The following COL4A1 variants were observed in gnomAD, a reference collection of about 807,000 sequenced individuals.
The protein encoded by COL4A1 is collagen alpha-1(IV) chain.
A neutral mutation model predicts 216.6 loss-of-function variants in COL4A1; 40 were observed. The ratio of observed to expected loss-of-function variants is 0.18; its 90% CI spans 0.14 to 0.24. COL4A1 has a LOEUF of 0.24. Among genes scored for constraint, COL4A1 ranks in the 10% least tolerant of loss-of-function variants. The pLI is 1.00. For synonymous variants in COL4A1, 839 were observed against 810.7 expected, an observed-to-expected ratio of 1.03 and a Z score of -0.59; for missense variants, 1,628 against 2,196.8, an observed-to-expected ratio of 0.74 and a Z score of 5.18.
At chr13:110,279,048 G>C (rs1306759280) in intron 1 of COL4A1, among the ~76,000 whole-genome samples, 1 of 152,082 alleles carries the variant, frequency 6.6e-6, no homozygotes, top group Non-Finnish European at 1.5e-5. Context: ...CTTTGCCCGG[G>C]GTCTTCCAAT....
chr13:110,262,085 G>A (rs953178141), intron 1 of COL4A1, among the ~76,000 whole-genome samples: 1 of 152,178 alleles, frequency 6.6e-6, no homozygotes, highest in African/African-American at 2.4e-5. Flanking sequence ...TTTCTTCAAC[G>A]CCACATTAGG....
chr13:110,260,865 G>A (rs1242045125), intron 1 of COL4A1, among the ~76,000 whole-genome samples: 1 of 151,668 alleles, frequency 6.6e-6, no homozygotes, highest in Non-Finnish European at 1.5e-5. Context: ...GTGAAACCTC[G>A]TCTCTACTAA....
intron 2 of COL4A1, among the ~76,000 whole-genome samples, chr13:110,219,678 G>GTGTATATATA (rs373618952): frequency 0.3 from 36,978 of 122,744 alleles, 5,499 homozygotes; most frequent in Non-Finnish European, 0.34. Context: ...ATATATATAT[G>GTGTATATATA]TGTATATATA....
intron 50 of COL4A1, among the ~76,000 whole-genome samples, chr13:110,153,768 T>C (rs1413247979): frequency 6.6e-6 from 1 of 152,150 alleles, no homozygotes; most frequent in East Asian, 1.9e-4. Context: ...ACAATCAAAC[T>C]TGTACACGTG....
intron 36 of COL4A1, 78 bp downstream of exon 36, chr13:110,176,346 A>G (rs148264690): frequency 4.8e-4 from 460 of 960,584 alleles, no homozygotes; most frequent in Non-Finnish European, 6.7e-4. Context: ...TCAGCTGAAG[A>G]GGATCTCATT....
At position 110,150,313 on chromosome 13, in the gene COL4A1, A is replaced by AAAG; in HGVS notation, c.*47_*49dup. 6.4e-7 allele frequency: 1 copy of AAAG among 1,554,378 alleles called. No individual in the cohort carries two copies. The highest frequency in any genetic ancestry group is 8.8e-7 in the Non-Finnish European group (1 of 1,133,166). The stretch of plus-strand genomic sequence containing the variant: ...TTCTAGGGTTCGTTGCTGTTAACAA[A>AAAG]AAGAAGAAGAAGTAGCACCATGTTG... On this transcript the variant is annotated 3_prime_UTR_variant, in exon 52 of 52. Coordinates refer to ENST00000375820, the MANE Select transcript of COL4A1 (RefSeq NM_001845.6).
At chr13:110,231,593 G>A (rs1881065780) in intron 2 of COL4A1, among the ~76,000 whole-genome samples, 1 of 152,102 alleles carries the variant, frequency 6.6e-6, no homozygotes, top group Admixed American at 6.6e-5. Flanking sequence ...TGCTATTACT[G>A]GCTAGCATCT....
At chr13:110,245,903 C>T (rs1418388949) in intron 1 of COL4A1, among the ~76,000 whole-genome samples, 1 of 152,132 alleles carries the variant, frequency 6.6e-6, no homozygotes, top group Non-Finnish European at 1.5e-5. Context: ...ACAGGACTGA[C>T]CCCCGACCCC....
chr13:110,155,924 T>C (rs920437505), intron 49 of COL4A1, among the ~76,000 whole-genome samples: 2 of 151,764 alleles, frequency 1.3e-5, no homozygotes, highest in African/African-American at 4.8e-5. Flanking sequence ...AAAAAAAAAT[T>C]AGAGCAGGAC....
intron 2 of COL4A1, among the ~76,000 whole-genome samples, chr13:110,238,688 T>C (rs1020283815): frequency 2.0e-5 from 3 of 152,178 alleles, no homozygotes; most frequent in African/African-American, 7.2e-5. Flanking sequence ...TAAATTCCCT[T>C]TTTTGGACAC....
chr13:110,269,670 C>T (rs542405850), intron 1 of COL4A1, among the ~76,000 whole-genome samples: 14 of 152,032 alleles, frequency 9.2e-5, no homozygotes, highest in Non-Finnish European at 1.6e-4. Context: ...TGATGGAAGA[C>T]GCAACACAAA....
At chr13:110,266,931 G>T (rs542067803) in intron 1 of COL4A1, among the ~76,000 whole-genome samples, 1 of 151,900 alleles carries the variant, frequency 6.6e-6, no homozygotes, top group African/African-American at 2.4e-5. Context: ...ATTTTTAATC[G>T]AAAAAATGTT....
At chr13:110,289,219 G>T (rs1405040855) in intron 1 of COL4A1, among the ~76,000 whole-genome samples, 1 of 152,126 alleles carries the variant, frequency 6.6e-6, no homozygotes, top group East Asian at 1.9e-4. Context: ...CAAAGAACAG[G>T]GTCTGAATGG....
chr13:110,233,043 C>T (rs1462963982), intron 2 of COL4A1, among the ~76,000 whole-genome samples: 2 of 152,160 alleles, frequency 1.3e-5, no homozygotes, highest in Admixed American at 1.3e-4. Context: ...GGGGAGCCAG[C>T]GACGGGTGGG....
chr13:110,172,003 G>C (rs1432651651), intron 41 of COL4A1, among the ~76,000 whole-genome samples: 1 of 152,230 alleles, frequency 6.6e-6, no homozygotes, highest in East Asian at 1.9e-4. Flanking sequence ...GAGAACCAGG[G>C]GGTGGGAGAA....
chr13:110,279,980 C>T (rs1883566170), intron 1 of COL4A1, among the ~76,000 whole-genome samples: 1 of 152,212 alleles, frequency 6.6e-6, no homozygotes, highest in African/African-American at 2.4e-5. Flanking sequence ...CCAGTGTCTG[C>T]ACATTACTGA....
At chr13:110,278,646 A>T (rs147342927) in intron 1 of COL4A1, among the ~76,000 whole-genome samples, 1 of 152,300 alleles carries the variant, frequency 6.6e-6, no homozygotes, top group Non-Finnish European at 1.5e-5. Context: ...CATTTTCCAC[A>T]CATAGTAAAT....
At position 110,219,792 on chromosome 13, in the gene COL4A1, GTATATATGTA is replaced by G. The variant is rs772741254; in HGVS notation, c.145-5787_145-5778del. On this transcript the variant is annotated intron_variant, in intron 2 of 51. Transcript: ENST00000375820. ...TATGTATATATATGCGTATATATGTGTATATATGTATATATGTGTATATATGTATATATAT... is the reference window on the plus strand; with the variant it reads ...TATGTATATATATGCGTATATATGTGTATATGTGTATATATGTATATATAT... 2.3e-3 allele frequency among the ~76,000 whole-genome samples: 323 copies of G among 138,296 alleles called. 2 individuals are homozygous for G. Among genetic ancestry groups the G allele is most frequent in the African/African-American group, 8.0e-3 (301 of 37,460 alleles). The allele number at this position is 138,296 out of a possible 152,430, so 90.7% of individuals were successfully genotyped here.
intron 1 of COL4A1, among the ~76,000 whole-genome samples, chr13:110,258,069 A>G (rs1420397683): frequency 5.5e-4 from 84 of 152,230 alleles, no homozygotes; most frequent in Non-Finnish European, 1.5e-5. Flanking sequence ...CAGTGCATAC[A>G]ATACAACAAG....
Sources: gnomAD v4.1 joint callset for allele counts (sites outside exome capture counted in the v4.1 genomes callset) on GRCh38, gnomAD v4.1.1 for gene constraint, MANE v1.5 for transcripts, NCBI Gene and HGNC (gene_info 2026-07-23, HGNC 2026-07-21) for gene names.